The following XRCC4 variants were observed in gnomAD, a reference collection of about 807,000 sequenced individuals.
The protein encoded by XRCC4 is X-ray repair cross complementing 4.
XRCC4 carries 28 observed loss-of-function variants against 39.1 expected under a neutral mutation model. The observed-to-expected ratio is 0.72, with a 90% CI of 0.53 to 0.98. XRCC4 has a LOEUF of 0.98. XRCC4 is among the 50% of genes least tolerant of loss of function. The probability of loss-of-function intolerance (pLI) is 0.00; values close to 1 mark genes in which losing one functional copy is unlikely to be tolerated. For synonymous variants in XRCC4, 123 were observed against 126.4 expected (o/e 0.97, Z 0.18); for missense variants, 350 against 376.4 (o/e 0.93, Z 0.58).
chr5:83,318,091 C>G (rs1029883357), intron 7 of XRCC4, among the ~76,000 whole-genome samples: 1 of 144,950 alleles, frequency 6.9e-6, no homozygotes, highest in Non-Finnish European at 1.5e-5. Context: ...TAAACAGAGC[C>G]AAAGACAAAA....
chr5:83,363,955 A>G, the XRCC4 span, among the ~76,000 whole-genome samples: 3 of 152,146 alleles, frequency 2.0e-5, no homozygotes, highest in Non-Finnish European at 1.5e-5. Flanking sequence ...CAGTGTTCAC[A>G]TTTCTTTCTT....
chr5:83,159,665 G>T (rs1427354875), intron 3 of XRCC4, among the ~76,000 whole-genome samples: 1 of 152,116 alleles, frequency 6.6e-6, no homozygotes, highest in Admixed American at 6.5e-5. Context: ...TGGGACTGGG[G>T]TAGGATGGGA....
At chr5:83,148,760 G>C (rs1466088967) in intron 3 of XRCC4, among the ~76,000 whole-genome samples, 3 of 152,054 alleles carry the variant, frequency 2.0e-5, no homozygotes, top group African/African-American at 7.2e-5. Flanking sequence ...GAAGGTATCA[G>C]TGGTTGAATC....
intron 7 of XRCC4, among the ~76,000 whole-genome samples, chr5:83,307,952 A>G (rs1755546174): frequency 6.6e-6 from 1 of 152,176 alleles, no homozygotes; most frequent in Non-Finnish European, 1.5e-5. Flanking sequence ...CAGTTTTGGG[A>G]CAAAAGTTTT....
At chr5:83,098,398 G>C (rs1745775609) in intron 1 of XRCC4, among the ~76,000 whole-genome samples, 1 of 152,022 alleles carries the variant, frequency 6.6e-6, no homozygotes, top group Non-Finnish European at 1.5e-5. Context: ...AGATTTTCTA[G>C]GTCTTGGGAC....
intron 3 of XRCC4, among the ~76,000 whole-genome samples, chr5:83,156,213 T>C (rs1009343019): frequency 6.6e-6 from 1 of 152,064 alleles, no homozygotes; most frequent in African/African-American, 2.4e-5. Context: ...GTGGTTACAA[T>C]TCGTGTGCAG....
Position 83,177,044 on chromosome 5 carries a change from A to G in XRCC4, c.316-18726A>G, listed in dbSNP as rs142985077. ...AGTAATATTAGCATATATGATAGAC[A>G]TGAGACACGTTTTAAATCAGCAAAT... On this transcript the variant is annotated intron_variant, in intron 3 of 7. Transcript: ENST00000396027. Among the ~76,000 whole-genome samples, 463 of 152,336 alleles carry G rather than the reference A, an allele frequency of 3.0e-3. 2 individuals are homozygous for G. The highest frequency in any genetic ancestry group is 0.011 in the African/African-American group (442 of 41,590).
chr5:83,118,772 G>A (rs924871073), intron 3 of XRCC4, among the ~76,000 whole-genome samples: 1 of 152,134 alleles, frequency 6.6e-6, no homozygotes, highest in Non-Finnish European at 1.5e-5. Flanking sequence ...GATATCAATG[G>A]TCAACTAGCA....
chr5:83,325,771 T>C (rs1380071528), intron 7 of XRCC4, among the ~76,000 whole-genome samples: 1 of 152,098 alleles, frequency 6.6e-6, no homozygotes, highest in African/African-American at 2.4e-5. Flanking sequence ...AATGAACATA[T>C]GCATGCATGT....
intron 3 of XRCC4, among the ~76,000 whole-genome samples, chr5:83,166,012 A>G (rs559805108): frequency 6.6e-6 from 1 of 151,230 alleles, no homozygotes; most frequent in African/African-American, 2.4e-5. Flanking sequence ...CAGCCTCCCA[A>G]GCAGCTGGGA....
At chr5:83,110,799 A>G (rs553095520) in intron 2 of XRCC4, among the ~76,000 whole-genome samples, 2 of 152,210 alleles carry the variant, frequency 1.3e-5, no homozygotes, top group South Asian at 4.1e-4. Flanking sequence ...AAGAATGTCA[A>G]GGGTTTAATG....
the XRCC4 span, among the ~76,000 whole-genome samples, chr5:83,359,114 A>G: frequency 6.6e-6 from 1 of 152,146 alleles, no homozygotes; most frequent in Non-Finnish European, 1.5e-5. Flanking sequence ...CCATGTGTGA[A>G]TACACACCAG....
chr5:83,228,019 G>A (rs1023486185), intron 6 of XRCC4, among the ~76,000 whole-genome samples: 1 of 151,918 alleles, frequency 6.6e-6, no homozygotes, highest in African/African-American at 2.4e-5. Flanking sequence ...ATGTCCTCTG[G>A]CTAGACTTGG....
At chr5:83,344,130 T>TCTCA (rs1756845519) in intron 7 of XRCC4, among the ~76,000 whole-genome samples, 1 of 148,088 alleles carries the variant, frequency 6.8e-6, no homozygotes, top group Admixed American at 6.7e-5. Flanking sequence ...GACACAGATC[T>TCTCA]CACACACACA....
At chr5:83,127,894 T>C (rs182680840) in intron 3 of XRCC4, among the ~76,000 whole-genome samples, 44 of 138,648 alleles carry the variant, frequency 3.2e-4, no homozygotes, top group Non-Finnish European at 5.8e-4. Context: ...TTTTTTTTTT[T>C]TCAGTACTTT....
intron 3 of XRCC4, among the ~76,000 whole-genome samples, chr5:83,194,568 T>C (rs571225987): frequency 7.9e-4 from 120 of 152,316 alleles, no homozygotes; most frequent in African/African-American, 2.8e-3. Context: ...TATAGAAATA[T>C]TCTTTTAAAA....
chr5:83,210,243 C>G (rs553117151), intron 6 of XRCC4, among the ~76,000 whole-genome samples: 2 of 152,264 alleles, frequency 1.3e-5, no homozygotes, highest in South Asian at 4.1e-4. Flanking sequence ...AGATTATGCT[C>G]TTAGTCTTGC....
At chr5:83,224,399 T>C (rs1451417294) in intron 6 of XRCC4, among the ~76,000 whole-genome samples, 1 of 152,180 alleles carries the variant, frequency 6.6e-6, no homozygotes, top group African/African-American at 2.4e-5. Context: ...AACGACACTG[T>C]TGCTCTCCCT....
chr5:83,269,980 G>A (rs967280872), intron 7 of XRCC4, among the ~76,000 whole-genome samples: 4 of 150,250 alleles, frequency 2.7e-5, no homozygotes, highest in African/African-American at 1.0e-4. Context: ...TCACCATAAT[G>A]TAGAATCAGT....
Sources: allele counts gnomAD v4.1 joint callset (sites outside exome capture counted in the v4.1 genomes callset), GRCh38; gene constraint gnomAD v4.1.1; transcripts MANE v1.5; gene names NCBI Gene and HGNC (gene_info 2026-07-23, HGNC 2026-07-21).